The following ROBO1 variants were observed in gnomAD, a reference collection of about 807,000 sequenced individuals.
ROBO1 encodes the protein roundabout guidance receptor 1.
ROBO1 carries 149 observed loss-of-function variants against 195.9 expected under a neutral mutation model. The observed-to-expected ratio is 0.76, with a 90% CI of 0.67 to 0.87. The LOEUF (loss-of-function observed/expected upper bound fraction) is 0.87, where lower values mean the gene tolerates loss of function less well. ROBO1 is among the 40% of genes least tolerant of loss of function. ROBO1 has a pLI of 0.00. For synonymous variants in ROBO1, 816 were observed against 733.2 expected (o/e 1.11, Z -1.82); for missense variants, 1,933 against 2,068.3 (o/e 0.93, Z 1.27).
intron 3 of ROBO1, among the ~76,000 whole-genome samples, chr3:79,010,286 C>T (rs2077742977): frequency 6.6e-6 from 1 of 152,120 alleles, no homozygotes; most frequent in South Asian, 2.1e-4. Context: ...TGAGATGAGA[C>T]AGGCTACTTT....
chr3:79,702,099 TATC>T (rs1947638515), intron 1 of ROBO1, among the ~76,000 whole-genome samples: 2 of 151,748 alleles, frequency 1.3e-5, no homozygotes, highest in Admixed American at 1.3e-4. Context: ...ATCAGGTAAA[TATC>T]ATCGTTGAAA....
At chr3:79,153,077 G>A (rs142032907) in intron 2 of ROBO1, among the ~76,000 whole-genome samples, 1 of 151,828 alleles carries the variant, frequency 6.6e-6, no homozygotes, top group Non-Finnish European at 1.5e-5. Context: ...ATACTACCTT[G>A]CCTGTTGTGT....
intron 1 of ROBO1, among the ~76,000 whole-genome samples, chr3:79,752,244 C>A (rs994726944): frequency 6.6e-6 from 1 of 152,018 alleles, no homozygotes; most frequent in African/African-American, 2.4e-5. Context: ...CTTGGTAATT[C>A]CACTCAGAGA....
At chr3:79,451,924 A>T (rs1327744316) in intron 2 of ROBO1, among the ~76,000 whole-genome samples, 1 of 152,084 alleles carries the variant, frequency 6.6e-6, no homozygotes, top group Non-Finnish European at 1.5e-5. Context: ...AGAAAAAAAA[A>T]AGTTAAGCAA....
chr3:78,954,735 T>C (rs2040955450), intron 3 of ROBO1, among the ~76,000 whole-genome samples: 2 of 151,924 alleles, frequency 1.3e-5, no homozygotes, highest in African/African-American at 4.8e-5. Context: ...TTCATTTCTT[T>C]ATAATATAGA....
At chr3:79,436,329 C>T (rs1200118755) in intron 2 of ROBO1, among the ~76,000 whole-genome samples, 1 of 149,694 alleles carries the variant, frequency 6.7e-6, no homozygotes, top group Non-Finnish European at 1.5e-5. Context: ...GCCGGCCAAT[C>T]TGTACCATGT....
intron 2 of ROBO1, among the ~76,000 whole-genome samples, chr3:79,420,981 C>A (rs2038200182): frequency 6.6e-6 from 1 of 152,198 alleles, no homozygotes. Flanking sequence ...ACCTAAACGT[C>A]CATCATTGGT....
intron 3 of ROBO1, among the ~76,000 whole-genome samples, chr3:79,020,832 T>C (rs867668164): frequency 1.4e-4 from 22 of 152,220 alleles, no homozygotes; most frequent in African/African-American, 5.1e-4. Flanking sequence ...TAGCAGTACA[T>C]GTAAGAAGCT....
chr3:78,825,213 A>C (rs140442866), intron 4 of ROBO1, among the ~76,000 whole-genome samples: 41 of 152,308 alleles, frequency 2.7e-4, no homozygotes, highest in African/African-American at 9.6e-4. Flanking sequence ...TAAAACTTGA[A>C]AAAGTTACCC....
chr3:79,283,687 T>G (rs1397484898), intron 2 of ROBO1, among the ~76,000 whole-genome samples: 1 of 151,340 alleles, frequency 6.6e-6, no homozygotes, highest in Non-Finnish European at 1.5e-5. Flanking sequence ...GAGTCCACAT[T>G]TATCCATGAA....
intron 2 of ROBO1, among the ~76,000 whole-genome samples, chr3:79,401,730 G>A (rs1042301645): frequency 1.5e-4 from 23 of 151,584 alleles, no homozygotes; most frequent in Non-Finnish European, 2.7e-4. Flanking sequence ...AAAGGAGGAG[G>A]ATTATAAATA....
chr3:79,610,465 T>G lies in ROBO1; in HGVS notation c.-50-20504A>C, dbSNP rs540058874. ...GCAAAAATACTGTATTAAAAGATAG[T>G]GTTTTTCCTGTGATAATAAAAATAT... On this transcript the variant is annotated intron_variant, in intron 1 of 30. Transcript: ENST00000464233. Among the ~76,000 whole-genome samples the G allele has an allele frequency of 6.6e-5, 10 of 152,106 alleles. No homozygotes were observed. In the South Asian group the frequency reaches 2.1e-3, roughly 31 times the overall value.
At chr3:79,165,453 G>C (rs2081047811) in intron 2 of ROBO1, among the ~76,000 whole-genome samples, 2 of 152,214 alleles carry the variant, frequency 1.3e-5, no homozygotes, top group Admixed American at 6.5e-5. Flanking sequence ...TCCCCTCCAA[G>C]AGACTTTTCC....
chr3:78,916,201 G>A (rs973303487), intron 4 of ROBO1, among the ~76,000 whole-genome samples: 1 of 142,284 alleles, frequency 7.0e-6, no homozygotes, highest in Admixed American at 7.2e-5. Context: ...AGTGAGCCGA[G>A]ATCGCGCCAC....
chr3:78,762,681 A>G (rs1349628237), intron 4 of ROBO1, among the ~76,000 whole-genome samples: 1 of 152,038 alleles, frequency 6.6e-6, no homozygotes, highest in Non-Finnish European at 1.5e-5. Context: ...CCCCAAAATA[A>G]AAGACGATGA....
intron 2 of ROBO1, among the ~76,000 whole-genome samples, chr3:79,337,465 C>G (rs959291701): frequency 6.6e-6 from 1 of 152,156 alleles, no homozygotes; most frequent in Admixed American, 6.5e-5. Flanking sequence ...TCACTTCTCT[C>G]TCCTGCCACC....
intron 19 of ROBO1, 117 bp from the exon 20 acceptor site, chr3:78,647,772 C>T (rs1706393310): frequency 2.3e-6 from 2 of 877,384 alleles, no homozygotes; most frequent in Non-Finnish European, 3.8e-6. Context: ...AATAACTAAG[C>T]CAGTAGTTCT....
chr3:79,632,220 A>G (rs941112526), intron 1 of ROBO1, among the ~76,000 whole-genome samples: 3 of 152,144 alleles, frequency 2.0e-5, no homozygotes, highest in African/African-American at 7.2e-5. Flanking sequence ...GCAAAGTCAT[A>G]GAATCATCTT....
chr3:78,891,482 C>A (rs1202120379), intron 4 of ROBO1, among the ~76,000 whole-genome samples: 1 of 152,152 alleles, frequency 6.6e-6, no homozygotes, highest in African/African-American at 2.4e-5. Flanking sequence ...ATAGAAACAA[C>A]CCTCTTCCAC....
Sources: allele counts gnomAD v4.1 joint callset (sites outside exome capture counted in the v4.1 genomes callset), GRCh38; gene constraint gnomAD v4.1.1; transcripts MANE v1.5; gene names NCBI Gene and HGNC (gene_info 2026-07-23, HGNC 2026-07-21).